The following ZBBX variants were observed in gnomAD, a reference collection of about 807,000 sequenced individuals.
The protein encoded by ZBBX is zinc finger B-box domain-containing protein 1.
ZBBX carries 101 observed loss-of-function variants against 108.5 expected under a neutral mutation model. The observed-to-expected ratio is 0.93, with a 90% CI of 0.79 to 1.10. The LOEUF (loss-of-function observed/expected upper bound fraction) is 1.10. Ranked by LOEUF, ZBBX falls within the 50% of genes least tolerant of loss-of-function variation. The pLI is 0.00. For missense variants in ZBBX, 1,009 were observed against 941.4 expected, an observed-to-expected ratio of 1.07 and a Z score of -0.94; for synonymous variants, 356 against 323.4, an observed-to-expected ratio of 1.10 and a Z score of -1.08.
chr3:167,234,731 A>G, the ZBBX span, among the ~76,000 whole-genome samples: 2 of 151,816 alleles, frequency 1.3e-5, no homozygotes, highest in African/African-American at 4.8e-5. Flanking sequence ...AGTTGCCTTC[A>G]GTATCCACTT....
chr3:167,337,160 G>A (rs971338346), intron 9 of ZBBX, among the ~76,000 whole-genome samples: 3 of 152,068 alleles, frequency 2.0e-5, no homozygotes, highest in African/African-American at 4.8e-5. Flanking sequence ...ATTAAAATTC[G>A]AAGTTCATTT....
chr3:167,338,106 A>G (rs938470856), intron 9 of ZBBX, among the ~76,000 whole-genome samples: 2 of 152,198 alleles, frequency 1.3e-5, no homozygotes, highest in Non-Finnish European at 2.9e-5. Context: ...TCTAGGATAG[A>G]AACTAAACTA....
chr3:167,252,183 A>T, intron 20 of ZBBX: 1 of 1,289,760 alleles, frequency 7.8e-7, no homozygotes, highest in Non-Finnish European at 1.0e-6. Context: ...TGTTTTTCAT[A>T]GAACTTAGAA....
the ZBBX span, among the ~76,000 whole-genome samples, chr3:167,223,863 A>C: frequency 0.013 from 2,028 of 152,066 alleles, 22 homozygotes; most frequent in South Asian, 0.026. Context: ...TCCACATATA[A>C]ACTGTGCAGC....
intron 18 of ZBBX, among the ~76,000 whole-genome samples, chr3:167,297,536 CT>C (rs1731883587): frequency 6.6e-6 from 1 of 151,794 alleles, no homozygotes; most frequent in Non-Finnish European, 1.5e-5. Context: ...ACAAATTGGA[CT>C]TAATAAAAAC....
chr3:167,360,052 AACT>A, intron 7 of ZBBX, 73 bp from the exon 8 acceptor site: 1 of 751,202 alleles, frequency 1.3e-6, no homozygotes, highest in Non-Finnish European at 2.0e-6. Context: ...AAATTAATGA[AACT>A]ATGCATACTT....
the ZBBX span, among the ~76,000 whole-genome samples, chr3:167,198,364 G>A: frequency 6.6e-6 from 1 of 152,052 alleles, no homozygotes; most frequent in South Asian, 2.1e-4. Flanking sequence ...TATTGTCACA[G>A]ACACATGGAT....
the ZBBX span, among the ~76,000 whole-genome samples, chr3:167,189,714 G>A: frequency 6.6e-6 from 1 of 152,046 alleles, no homozygotes; most frequent in Non-Finnish European, 1.5e-5. Flanking sequence ...CCATCCCAAG[G>A]GAATAGCCTA....
intron 20 of ZBBX, among the ~76,000 whole-genome samples, chr3:167,255,186 G>A (rs12486752): frequency 0.73 from 111,265 of 151,786 alleles, 40,992 homozygotes; most frequent in East Asian, 0.84. Flanking sequence ...AATGAAAAAA[G>A]CTGTGATAAA....
chr3:167,319,041 T>C (rs1735943101), intron 12 of ZBBX, among the ~76,000 whole-genome samples: 1 of 151,998 alleles, frequency 6.6e-6, no homozygotes, highest in Non-Finnish European at 1.5e-5. Flanking sequence ...GAAAAGAGTT[T>C]GGCAGTTTCT....
chr3:167,211,470 G>A, the ZBBX span, among the ~76,000 whole-genome samples: 8 of 152,160 alleles, frequency 5.3e-5, no homozygotes, highest in Non-Finnish European at 1.0e-4. Flanking sequence ...GGCCTGAGCA[G>A]CAATAGCCTA....
In ZBBX at chr3:167,298,395, A is replaced by C. The variant is rs374516681; in HGVS notation, c.1789T>G (p.Phe597Val). The change falls in exon 18 of 22, where the codon TTC becomes GTC. Residue 597 changes from phenylalanine to valine, a missense_variant. By Grantham distance (50) the Phe-to-Val change is conservative. Transcript: ENST00000675490. ...ITKQYQGLER[F>V]FIFDTNERLN... is the part of the protein sequence containing the mutation. ...CTTTCATTTGTATCAAAAATAAAGA[A>C]TCTCTCAAGTCCTTGATATTGTTTT... 4.4e-6 allele frequency: 7 copies of C among 1,597,520 alleles called. No individual in the cohort carries two copies. The African/African-American group carries it at 9.4e-5, about 21-fold the overall frequency.
At chr3:167,282,024 C>T (rs1042399862) in intron 20 of ZBBX, among the ~76,000 whole-genome samples, 1 of 152,044 alleles carries the variant, frequency 6.6e-6, no homozygotes, top group African/African-American at 2.4e-5. Context: ...CTATGGGGTC[C>T]ATCTTTGGTG....
At chr3:167,320,760 A>T (rs867319823) in intron 12 of ZBBX, among the ~76,000 whole-genome samples, 32 of 152,142 alleles carry the variant, frequency 2.1e-4, no homozygotes, top group Middle Eastern at 3.4e-3. Context: ...ACTGAGAAAG[A>T]CACATACTCT....
chr3:167,267,490 C>A (rs1030634382), intron 20 of ZBBX, among the ~76,000 whole-genome samples: 3 of 152,166 alleles, frequency 2.0e-5, no homozygotes, highest in African/African-American at 7.2e-5. Flanking sequence ...TATATTCCCC[C>A]AGATAGTCCC....
the ZBBX span, among the ~76,000 whole-genome samples, chr3:167,210,318 T>C: frequency 8.6e-5 from 13 of 151,626 alleles, no homozygotes; most frequent in Non-Finnish European, 5.9e-5. Context: ...AAGAAAAAAA[T>C]AGTGAACTTG....
At chr3:167,278,040 T>C (rs1728006617) in intron 20 of ZBBX, among the ~76,000 whole-genome samples, 1 of 135,828 alleles carries the variant, frequency 7.4e-6, no homozygotes, top group African/African-American at 2.8e-5. Context: ...AAAGATGTTC[T>C]TTGAAACCAA....
At chr3:167,379,060 G>A (rs1032383444) in intron 2 of ZBBX, among the ~76,000 whole-genome samples, 1 of 152,154 alleles carries the variant, frequency 6.6e-6, no homozygotes, top group Admixed American at 6.5e-5. Context: ...ATAATAATGT[G>A]CTAAGTATGT....
chr3:167,270,015 GA>G (rs1726245496), intron 20 of ZBBX, among the ~76,000 whole-genome samples: 1 of 152,122 alleles, frequency 6.6e-6, no homozygotes, highest in Non-Finnish European at 1.5e-5. Context: ...TCAGATTTTA[GA>G]ACAAGTGCTA....
Sources: gnomAD v4.1 joint callset for allele counts (sites outside exome capture counted in the v4.1 genomes callset) on GRCh38, gnomAD v4.1.1 for gene constraint, MANE v1.5 for transcripts, NCBI Gene and HGNC (gene_info 2026-07-23, HGNC 2026-07-21) for gene names.